The following DDX52 variants were observed in gnomAD, a reference collection of about 807,000 sequenced individuals.
The protein encoded by DDX52 is DExD-box helicase 52.
A neutral mutation model predicts 76.1 loss-of-function variants in DDX52; 59 were observed. The ratio of observed to expected loss-of-function variants is 0.78; its 90% CI spans 0.63 to 0.96. The LOEUF (loss-of-function observed/expected upper bound fraction) is 0.96, where lower values mean the gene tolerates loss of function less well. DDX52 is among the 40% of genes least tolerant of loss of function. DDX52 has a pLI of 0.00. For missense variants in DDX52, 707 were observed against 703.9 expected, an observed-to-expected ratio of 1.00 and a Z score of -0.05; for synonymous variants, 231 against 244.1, an observed-to-expected ratio of 0.95 and a Z score of 0.50.
chr17:37,643,391 G>T lies in DDX52; in HGVS notation c.30C>A (p.Leu10=), dbSNP rs35498905. The T allele has an allele frequency of 6.2e-7, 1 of 1,613,986 alleles. No individual in the cohort carries two copies. Among genetic ancestry groups the T allele is most frequent in the Admixed American group, 1.7e-5 (1 of 60,016 alleles). Residue 10 remains leucine (L), a synonymous_variant, in exon 1 of 15, where the codon CTC becomes CTA. Transcript: ENST00000617633. The part of the protein sequence containing the change: MDVHDLFRR[L]GAGAKFDTRR... ...TCGTGTCGAATTTGGCCCCCGCGCC[G>T]AGCCGGCGAAAGAGATCGTGGACGT...
Position 37,614,132 on chromosome 17 carries a change from C to T in DDX52, c.*164G>A. Reference sequence around the variant, plus strand: ...AAAAAAAGGCACCTACAAATTGAAACTGACTTGATAGTTTAGGATCATTTA... The same window carrying T: ...AAAAAAAGGCACCTACAAATTGAAATTGACTTGATAGTTTAGGATCATTTA... On this transcript the variant is annotated 3_prime_UTR_variant, in exon 15 of 15. Coordinates refer to ENST00000617633, the MANE Select transcript of DDX52 (RefSeq NM_007010.5). 4 of 699,386 alleles carry T rather than the reference C, an allele frequency of 5.7e-6. No homozygotes were observed. The highest frequency in any genetic ancestry group is 8.8e-6 in the Non-Finnish European group (4 of 453,210). 43.3% of individuals were successfully genotyped at this position (699,386 alleles called of 1,614,324 possible). A position where few individuals can be genotyped will look rare whatever the true frequency, so the allele number is the denominator to read the frequency against.
intron 2 of DDX52, among the ~76,000 whole-genome samples, chr17:37,637,566 A>C (rs933285234): frequency 6.6e-6 from 1 of 151,366 alleles, no homozygotes; most frequent in African/African-American, 2.4e-5. Context: ...CCTCCCTACC[A>C]ATTCTTTGTT....
intron 9 of DDX52, among the ~76,000 whole-genome samples, chr17:37,621,762 TC>T (rs2030107050): frequency 6.6e-6 from 1 of 152,132 alleles, no homozygotes; most frequent in Non-Finnish European, 1.5e-5. Flanking sequence ...GTCTAATCAA[TC>T]CCCCTACACC....
Position 37,643,429 on chromosome 17 carries a change from A to T in DDX52, c.-9T>A. 6.2e-7 allele frequency: 1 copy of T among 1,613,664 alleles called. No individual in the cohort carries two copies. The highest frequency in any genetic ancestry group is 8.5e-7 in the Non-Finnish European group (1 of 1,179,822). ...AGATCGTGGACGTCCATCTTTACCCAGAAAGCGCCACAGTTCTACGGCGCC... is the reference window on the plus strand; with the variant it reads ...AGATCGTGGACGTCCATCTTTACCCTGAAAGCGCCACAGTTCTACGGCGCC... On this transcript the variant is annotated 5_prime_UTR_variant, in exon 1 of 15. Transcript: ENST00000617633.
Position 37,632,286 on chromosome 17 carries a change from G to GC in DDX52, c.429dup (p.Arg144AlafsTer3). 1 of 1,613,914 alleles carries GC rather than the reference G, an allele frequency of 6.2e-7. No individual in the cohort carries two copies. The highest frequency in any genetic ancestry group is 8.5e-7 in the Non-Finnish European group (1 of 1,179,954). ...TGGACGTGAATTTTGTGTTTATTCC[G>GC]CAAGAAGTTTATCTGAAAAGTGAAG... On this transcript the variant is annotated frameshift_variant, in exon 4 of 15. Coordinates refer to ENST00000617633, the MANE Select transcript of DDX52 (RefSeq NM_007010.5). LOFTEE classifies it high-confidence loss of function.
chr17:37,643,170 C>T (rs2031278971), intron 1 of DDX52, 164 bp downstream of exon 1: 4 of 635,212 alleles, frequency 6.3e-6, no homozygotes, highest in Non-Finnish European at 8.1e-6. Context: ...TTGAACCGAG[C>T]AGCCGTGCAG....
intron 2 of DDX52, among the ~76,000 whole-genome samples, chr17:37,641,237 C>T (rs184456330): frequency 1.5e-3 from 233 of 151,772 alleles, no homozygotes; most frequent in African/African-American, 5.5e-3. Flanking sequence ...CTGGTCTCTA[C>T]TAAAAATACA....
chr17:37,619,684 T>A, intron 13 of DDX52, 84 bp downstream of exon 13: 1 of 1,256,216 alleles, frequency 8.0e-7, no homozygotes, highest in Non-Finnish European at 1.1e-6. Flanking sequence ...TGCACTGCAG[T>A]CTGGGCAACA....
intron 13 of DDX52, 129 bp downstream of exon 13, chr17:37,619,636 TAGG>T: frequency 2.8e-6 from 2 of 724,354 alleles, no homozygotes; most frequent in Non-Finnish European, 4.5e-6. Context: ...CACTTGAGCC[TAGG>T]AGATCAAGAC....
At chr17:37,623,812 C>T (rs896809043) in intron 9 of DDX52, among the ~76,000 whole-genome samples, 4 of 152,150 alleles carry the variant, frequency 2.6e-5, no homozygotes, top group African/African-American at 9.7e-5. Flanking sequence ...TTTATTTTAT[C>T]CCTCTAAACA....
intron 12 of DDX52, 39 bp from the exon 13 acceptor site, chr17:37,619,878 C>G: frequency 1.3e-6 from 2 of 1,594,578 alleles, no homozygotes; most frequent in South Asian, 2.2e-5. Context: ...TGTATCTTTG[C>G]TAAATTGATG....
At position 37,620,854 on chromosome 17, in the gene DDX52, GTTA is replaced by G. The variant is rs1308959496; in HGVS notation, c.1577+16_1577+18del. On this transcript the variant is annotated intron_variant, in intron 12 of 14. Coordinates refer to ENST00000617633, the MANE Select transcript of DDX52 (RefSeq NM_007010.5). ...GAAGCAATTTTGCCAATAACACTAG[GTTA>G]TTTTTTCTAATTTACCTTCTTAATA... 4 of 1,579,600 alleles carry G rather than the reference GTTA, an allele frequency of 2.5e-6. No individual in the cohort carries two copies. Among genetic ancestry groups the G allele is most frequent in the Middle Eastern group, 1.7e-4 (1 of 5,968 alleles).
At position 37,611,956 on chromosome 17, in the gene DDX52, C is replaced by CAAAAAAAAAA. The variant is rs200545664; in HGVS notation, c.*2330_*2339dup. 6.2e-5 allele frequency: 4 copies of CAAAAAAAAAA among 64,630 alleles called. No individual in the cohort carries two copies. The highest frequency in any genetic ancestry group is 1.7e-4 in the Admixed American group (1 of 6,016). The allele number at this position is 64,630 out of a possible 1,614,324, so 4.0% of individuals were successfully genotyped here. A position where few individuals can be genotyped will look rare whatever the true frequency, so the allele number is the denominator to read the frequency against. On this transcript the variant is annotated 3_prime_UTR_variant, in exon 15 of 15. Transcript: ENST00000617633. ...AAATTAGGTAACAGACCCTGTTTCT[C>CAAAAAAAAAA]AAAAAAAAAAAAAAAAACAAAACAA...
Position 37,643,325 on chromosome 17 carries a change from G to T in DDX52, c.87+9C>A. 1 of 1,612,822 alleles carries T rather than the reference G, an allele frequency of 6.2e-7. No homozygotes were observed. Among genetic ancestry groups the T allele is most frequent in the Non-Finnish European group, 8.5e-7 (1 of 1,179,128 alleles). ...AGTTACTCGGCCCTCGGTCCCTTGG[G>T]CACAGTACCTGGAATCGAGCTGCGT... On this transcript the variant is annotated intron_variant, in intron 1 of 14. Coordinates refer to ENST00000617633, the MANE Select transcript of DDX52 (RefSeq NM_007010.5).
chr17:37,632,331 A>G (rs1319973920), intron 3 of DDX52, 33 bp from the exon 4 acceptor site: 5 of 1,605,694 alleles, frequency 3.1e-6, no homozygotes, highest in East Asian at 4.5e-5. Context: ...CACCATGGAT[A>G]TGGCCAAATA....
rs893743589 is a variant in DDX52 at position 37,631,873 on chromosome 17, A to C, written c.603+240T>G. 2.3e-5 allele frequency: 13 copies of C among 568,366 alleles called. No homozygotes were observed. In the Admixed American group the frequency reaches 3.0e-4, roughly 13 times the overall value. 35.2% of individuals were successfully genotyped at this position (568,366 alleles called of 1,614,324 possible). On this transcript the variant is annotated intron_variant, in intron 4 of 14. Transcript: ENST00000617633. ...TGTTGCAAGGAAAAGAACACACCAA[A>C]TACCATGGAAGAACTGCAGTGTGGG...
rs1386166727 is a variant in DDX52, at chr17:37,626,028, G to C, written c.1003C>G (p.Leu335Val). The C allele has an allele frequency of 1.2e-6, 2 of 1,614,172 alleles. No individual in the cohort carries two copies. Among genetic ancestry groups the C allele is most frequent in the Admixed American group, 3.3e-5 (2 of 60,020 alleles). The stretch of plus-strand genomic sequence containing the variant: ...GTGCAGGCCAGGAAAATGGAAGCCA[G>C]CTGGTCTCTGAACCCAGTTTTGCCA... ...EDGKTGFRDQ[L>V]ASIFLACTSH... The change falls in exon 8 of 15, where the codon CTG (leucine) becomes GTG (valine). Residue 335 changes from leucine (L) to valine (V), a missense_variant. Physicochemically the swap from Leu to Val is conservative, Grantham distance 32. Transcript: ENST00000617633.
intron 7 of DDX52, among the ~76,000 whole-genome samples, chr17:37,626,519 T>G (rs779592643): frequency 3.3e-5 from 5 of 152,144 alleles, no homozygotes; most frequent in Non-Finnish European, 7.3e-5. Flanking sequence ...AGGTAGCTGT[T>G]TAGAGCAGCA....
chr17:37,641,962 A>G (rs1045624839), intron 2 of DDX52, 148 bp downstream of exon 2: 6 of 925,652 alleles, frequency 6.5e-6, no homozygotes, highest in Non-Finnish European at 6.5e-6. Flanking sequence ...TGCTGTAACA[A>G]TATTTCTAAT....
Sources: allele counts gnomAD v4.1 joint callset (sites outside exome capture counted in the v4.1 genomes callset), GRCh38; gene constraint gnomAD v4.1.1; transcripts MANE v1.5; gene names NCBI Gene and HGNC (gene_info 2026-07-23, HGNC 2026-07-21).